The following ZNF248 variants were observed in gnomAD, a reference collection of about 807,000 sequenced individuals.
ZNF248 encodes KRAB protein domain.
ZNF248 carries 20 observed loss-of-function variants against 44.3 expected under a neutral mutation model. The ratio of observed to expected loss-of-function variants is 0.45; its 90% confidence interval spans 0.32 to 0.66. The LOEUF is 0.66. Ranked by LOEUF, ZNF248 falls within the 30% of genes least tolerant of loss-of-function variation. The pLI is 0.04. For missense variants in ZNF248, 654 were observed against 677.0 expected (o/e 0.97, Z 0.38); for synonymous variants, 224 against 229.0 (o/e 0.98, Z 0.20).
At chr10:37,821,313 C>T (rs71491210) in intron 6 of ZNF248, among the ~76,000 whole-genome samples, 1,914 of 152,158 alleles carry the variant, frequency 0.013, 25 homozygotes, top group Middle Eastern at 0.048. Flanking sequence ...TACTGCCATT[C>T]GCATTTAGAG....
At chr10:37,787,751 T>C (rs1276568475) in intron 6 of ZNF248, among the ~76,000 whole-genome samples, 1 of 151,850 alleles carries the variant, frequency 6.6e-6, no homozygotes, top group Admixed American at 6.6e-5. Flanking sequence ...ATAAAATTTA[T>C]AGAAGAAAAT....
chr10:37,773,479 T>C (rs907768439), downstream of ZNF248, among the ~76,000 whole-genome samples: 18 of 152,200 alleles, frequency 1.2e-4, no homozygotes, highest in Non-Finnish European at 1.9e-4. Flanking sequence ...GAAAAGAGTA[T>C]GGTGTGTTCC....
At chr10:37,845,380 T>TAA (rs34800175) in intron 3 of ZNF248, among the ~76,000 whole-genome samples, 90 of 135,626 alleles carry the variant, frequency 6.6e-4, no homozygotes, top group African/African-American at 1.9e-3. Flanking sequence ...AGAATGGATT[T>TAA]AAAAAAAAAA....
the ZNF248 span, among the ~76,000 whole-genome samples, chr10:37,760,835 G>A: frequency 1.3e-5 from 2 of 151,832 alleles, no homozygotes; most frequent in Non-Finnish European, 2.9e-5. Context: ...ACTCTGTCTT[G>A]GGGGAAAAAA....
At chr10:37,821,002 T>C in intron 6 of ZNF248, 1 of 1,460,646 alleles carries the variant, frequency 6.8e-7, no homozygotes, top group Non-Finnish European at 9.5e-7. Flanking sequence ...GCAGAGCGTC[T>C]CCCGAGACTA....
chr10:37,822,788 G>C (rs2053687962), intron 6 of ZNF248, among the ~76,000 whole-genome samples: 1 of 152,076 alleles, frequency 6.6e-6, no homozygotes, highest in East Asian at 1.9e-4. Context: ...AGCTCACAAT[G>C]TTTTAAGAAA....
chr10:37,841,118 T>C (rs990299212), intron 3 of ZNF248, among the ~76,000 whole-genome samples: 3 of 152,210 alleles, frequency 2.0e-5, no homozygotes, highest in Non-Finnish European at 4.4e-5. Context: ...GTTCACATGA[T>C]TTTTTATAGC....
intron 6 of ZNF248, chr10:37,795,991 G>A (rs893799011): frequency 6.6e-5 from 10 of 152,020 alleles, no homozygotes; most frequent in African/African-American, 9.7e-5. Context: ...TGAATTTTAC[G>A]TTTGTTATGA....
intron 6 of ZNF248, among the ~76,000 whole-genome samples, chr10:37,816,026 G>A (rs536127756): frequency 4.7e-5 from 7 of 150,380 alleles, no homozygotes; most frequent in African/African-American, 1.5e-4. Flanking sequence ...AGAGAGAAAT[G>A]AAGGGGAAAG....
chr10:37,789,007 G>C (rs770269283), intron 6 of ZNF248, among the ~76,000 whole-genome samples: 1 of 152,046 alleles, frequency 6.6e-6, no homozygotes, highest in Non-Finnish European at 1.5e-5. Context: ...AAGCAGCTGG[G>C]ACTACAGGCA....
the ZNF248 span, among the ~76,000 whole-genome samples, chr10:37,770,334 G>A: frequency 9.2e-5 from 14 of 152,166 alleles, no homozygotes; most frequent in Non-Finnish European, 1.9e-4. Flanking sequence ...TAAGCCAAAA[G>A]AACAAAGCCA....
At chr10:37,769,015 A>C in the ZNF248 span, among the ~76,000 whole-genome samples, 1 of 152,224 alleles carries the variant, frequency 6.6e-6, no homozygotes, top group East Asian at 1.9e-4. Flanking sequence ...TAAACTAGAA[A>C]ATCTAGAAGA....
At chr10:37,791,054 T>C (rs929312707) in intron 6 of ZNF248, among the ~76,000 whole-genome samples, 2 of 115,256 alleles carry the variant, frequency 1.7e-5, no homozygotes, top group Non-Finnish European at 3.7e-5. Context: ...TTTTTTTTTT[T>C]TTTTTTTTTT....
chr10:37,798,987 C>T (rs2049482540), intron 6 of ZNF248, among the ~76,000 whole-genome samples: 1 of 152,058 alleles, frequency 6.6e-6, no homozygotes, highest in African/African-American at 2.4e-5. Context: ...GTCAAGTGTA[C>T]ATGTCTTCTC....
intron 6 of ZNF248, chr10:37,795,827 A>T (rs912278703): frequency 2.0e-5 from 3 of 152,176 alleles, no homozygotes; most frequent in Non-Finnish European, 4.4e-5. Flanking sequence ...AATCAACAAG[A>T]TTAATACCAA....
intron 3 of ZNF248, among the ~76,000 whole-genome samples, chr10:37,854,295 A>C (rs2060872027): frequency 1.3e-5 from 2 of 152,200 alleles, no homozygotes; most frequent in Non-Finnish European, 2.9e-5. Context: ...ACCATGAACA[A>C]TTATCAAAAG....
chr10:37,849,837 C>T (rs930855527), intron 3 of ZNF248, among the ~76,000 whole-genome samples: 14 of 152,128 alleles, frequency 9.2e-5, no homozygotes, highest in African/African-American at 3.4e-4. Context: ...CTTTGGAAGG[C>T]CAAGGCATGT....
chr10:37,764,791 T>A, the ZNF248 span, among the ~76,000 whole-genome samples: 1 of 152,238 alleles, frequency 6.6e-6, no homozygotes, highest in Non-Finnish European at 1.5e-5. Context: ...TAATATAGGA[T>A]GTTTACTATA....
the ZNF248 span, among the ~76,000 whole-genome samples, chr10:37,762,520 T>C: frequency 6.6e-6 from 1 of 152,166 alleles, no homozygotes; most frequent in Non-Finnish European, 1.5e-5. Flanking sequence ...AGAGGCCAAA[T>C]CTGGCTGAGA....
Sources: allele counts gnomAD v4.1 joint callset (sites outside exome capture counted in the v4.1 genomes callset), GRCh38; gene constraint gnomAD v4.1.1; transcripts MANE v1.5; gene names NCBI Gene and HGNC (gene_info 2026-07-23, HGNC 2026-07-21).